Variants in RPH3AL observed in about 807,000 individuals in gnomAD.
The protein encoded by RPH3AL is rab effector Noc2.
RPH3AL carries 38 observed loss-of-function variants against 43.1 expected under a neutral mutation model. The ratio of observed to expected loss-of-function variants is 0.88; its 90% CI spans 0.68 to 1.15. RPH3AL has a LOEUF of 1.15. RPH3AL is among the 50% of genes most tolerant of loss of function. The pLI is 0.00. For synonymous variants in RPH3AL, 189 were observed against 176.3 expected, an observed-to-expected ratio of 1.07 and a Z score of -0.57; for missense variants, 462 against 423.2, an observed-to-expected ratio of 1.09 and a Z score of -0.81.
rs1297049588 is a variant in RPH3AL at position 245,726 on chromosome 17, C to T, written c.613+1385G>A. The stretch of plus-strand genomic sequence containing the variant: ...AGAGGGACCAGGTGGAGGACCGCCA[C>T]TTCTCCAGCCAATCTCGGGCCACTC... On this transcript the variant is annotated intron_variant, in intron 7 of 9. Coordinates refer to ENST00000331302, the MANE Select transcript of RPH3AL (RefSeq NM_006987.4). The surrounding 1 kb of genome is among the most constrained non-coding windows in gnomAD (Gnocchi z 5.9). Among the ~76,000 whole-genome samples, 1 of 152,112 alleles carries T rather than the reference C, an allele frequency of 6.6e-6. No individual in the cohort carries two copies. Among genetic ancestry groups the T allele is most frequent in the Non-Finnish European group, 1.5e-5 (1 of 68,020 alleles).
intron 6 of RPH3AL, among the ~76,000 whole-genome samples, chr17:277,816 C>T (rs572276600): frequency 6.6e-6 from 1 of 151,844 alleles, no homozygotes; most frequent in Non-Finnish European, 1.5e-5. Flanking sequence ...ATTAGCTGGG[C>T]GTGGTGGTAC....
chr17:310,452 TC>T (rs962868482), intron 5 of RPH3AL, among the ~76,000 whole-genome samples: 4 of 152,178 alleles, frequency 2.6e-5, no homozygotes, highest in African/African-American at 9.6e-5. Flanking sequence ...CCTGGATGCT[TC>T]CCACGGCAGG....
At chr17:269,490 G>C (rs950543963) in intron 6 of RPH3AL, among the ~76,000 whole-genome samples, 4 of 152,232 alleles carry the variant, frequency 2.6e-5, no homozygotes, top group Non-Finnish European at 4.4e-5. Context: ...CAAATCCTCA[G>C]TGAACATTAG....
chr17:331,322 G>A (rs962232882), intron 2 of RPH3AL: 5 of 313,832 alleles, frequency 1.6e-5, no homozygotes, highest in Admixed American at 4.6e-5. Context: ...CAAGGGAGAC[G>A]GAAGGATGTC....
At chr17:223,820 G>A (rs993463795) in intron 7 of RPH3AL, among the ~76,000 whole-genome samples, 6 of 152,188 alleles carry the variant, frequency 3.9e-5, no homozygotes, top group Non-Finnish European at 8.8e-5. Context: ...ACCAGAGGCT[G>A]GAGCTGGCTG....
chr17:312,824 A>G (rs1204922540), intron 5 of RPH3AL, among the ~76,000 whole-genome samples: 4 of 152,216 alleles, frequency 2.6e-5, no homozygotes, highest in Non-Finnish European at 5.9e-5. Flanking sequence ...TGGGACCTCA[A>G]CCCAAGTCTG....
chr17:213,689 G>T lies in RPH3AL; in HGVS notation c.*163C>A. Reference sequence around the variant, plus strand: ...GACAGCTCCCCAGGAGAGAAGGGGTGCAGAAAGGCACTGAGCTGGGGAGGC... The same window carrying T: ...GACAGCTCCCCAGGAGAGAAGGGGTTCAGAAAGGCACTGAGCTGGGGAGGC... On this transcript the variant is annotated 3_prime_UTR_variant, in exon 10 of 10. Transcript: ENST00000331302. 1 of 658,010 alleles carries T rather than the reference G, an allele frequency of 1.5e-6. No homozygotes were observed. Among genetic ancestry groups the T allele is most frequent in the Non-Finnish European group, 2.7e-6 (1 of 363,912 alleles). The allele number at this position is 658,010 out of a possible 1,614,324, so 40.8% of individuals were successfully genotyped here.
In RPH3AL at chr17:246,150, A is replaced by G. The variant is rs2041759249; in HGVS notation, c.613+961T>C. Among the ~76,000 whole-genome samples, 1 of 152,228 alleles carries G rather than the reference A, an allele frequency of 6.6e-6. No individual in the cohort carries two copies. Among genetic ancestry groups the G allele is most frequent in the Non-Finnish European group, 1.5e-5 (1 of 68,038 alleles). ...AACAAGAAAAAACAGCCCGAATGACATAAAGATGGTCAGATGTCAGGTCAC... is the reference window on the plus strand; with the variant it reads ...AACAAGAAAAAACAGCCCGAATGACGTAAAGATGGTCAGATGTCAGGTCAC... On this transcript the variant is annotated intron_variant, in intron 7 of 9. Transcript: ENST00000331302. The surrounding 1 kb of genome is among the most constrained non-coding windows in gnomAD (Gnocchi z 4.8).
intron 5 of RPH3AL, among the ~76,000 whole-genome samples, chr17:282,304 C>T (rs9901531): frequency 0.019 from 2,947 of 152,272 alleles, 86 homozygotes; most frequent in African/African-American, 0.067. Context: ...CCTGCGTGTC[C>T]GACAGGTCAG....
At chr17:282,711 A>G (rs2042810862) in intron 5 of RPH3AL, among the ~76,000 whole-genome samples, 1 of 152,228 alleles carries the variant, frequency 6.6e-6, no homozygotes, top group African/African-American at 2.4e-5. Flanking sequence ...CATAGAGCAC[A>G]CTTACGCAAA....
intron 7 of RPH3AL, among the ~76,000 whole-genome samples, chr17:220,643 G>C (rs62059568): frequency 1.1e-5 from 1 of 88,398 alleles, no homozygotes; most frequent in Admixed American, 1.1e-4. Context: ...CATCAGCTCT[G>C]AGGCCTCCAC....
intron 1 of RPH3AL, among the ~76,000 whole-genome samples, chr17:347,910 A>T (rs2045271636): frequency 6.6e-6 from 1 of 152,118 alleles, no homozygotes; most frequent in African/African-American, 2.4e-5. Flanking sequence ...TCATGCCTGT[A>T]ATCCCAGCAT....
intron 1 of RPH3AL, among the ~76,000 whole-genome samples, chr17:337,872 G>C (rs2045003675): frequency 6.6e-6 from 1 of 152,114 alleles, no homozygotes; most frequent in African/African-American, 2.4e-5. Context: ...TAAATCCTTG[G>C]GCATCTTTAA....
rs545666736 is a variant in RPH3AL at position 264,178 on chromosome 17, A to G, written c.439-16893T>C. On this transcript the variant is annotated intron_variant, in intron 6 of 9. Coordinates refer to ENST00000331302, the MANE Select transcript of RPH3AL (RefSeq NM_006987.4). This position sits in a 1 kb window ranked among gnomAD's most constrained non-coding sequence, Gnocchi z 4.8. ...TGAGGTAACATACACACTTGTTTCT[A>G]GCATTGTTTTCTGCCGGAAATGCCA... Among the ~76,000 whole-genome samples, 15 of 152,334 alleles carry G rather than the reference A, an allele frequency of 9.8e-5. No homozygotes were observed.
intron 1 of RPH3AL, among the ~76,000 whole-genome samples, chr17:336,420 C>A (rs2044955217): frequency 2.0e-5 from 3 of 152,270 alleles, no homozygotes; most frequent in East Asian, 3.9e-4. Context: ...GAAGCAGGAG[C>A]CCCGGGGAAA....
intron 2 of RPH3AL, among the ~76,000 whole-genome samples, chr17:329,710 G>A (rs1290417225): frequency 6.6e-6 from 1 of 152,134 alleles, no homozygotes. Flanking sequence ...TCTTTTTAAT[G>A]TTTGACTTCA....
chr17:305,632 CCA>C (rs1474228484), intron 5 of RPH3AL, among the ~76,000 whole-genome samples: 1 of 152,118 alleles, frequency 6.6e-6, no homozygotes, highest in Non-Finnish European at 1.5e-5. Flanking sequence ...AGGAATGTCT[CCA>C]CACAGACATT....
intron 5 of RPH3AL, among the ~76,000 whole-genome samples, chr17:309,512 CGCCCT>C (rs146492199): frequency 2.3e-4 from 5 of 21,600 alleles, no homozygotes; most frequent in Non-Finnish European, 3.3e-4. Context: ...GCATGTCCCC[CGCCCT>C]GCCCAGGGCT....
intron 6 of RPH3AL, among the ~76,000 whole-genome samples, chr17:267,105 CCT>C (rs959858630): frequency 3.3e-5 from 5 of 152,226 alleles, no homozygotes; most frequent in African/African-American, 1.2e-4. Context: ...AACAGGGGCC[CCT>C]GTCTTCCCTC....
Sources: allele counts gnomAD v4.1 joint callset (sites outside exome capture counted in the v4.1 genomes callset), GRCh38; gene constraint gnomAD v4.1.1; non-coding constraint Gnocchi (gnomAD v3.1); transcripts MANE v1.5; gene names NCBI Gene and HGNC (gene_info 2026-07-23, HGNC 2026-07-21).